LRRC4C: variants seen among roughly 807,000 people sequenced by gnomAD.
LRRC4C encodes leucine-rich repeat-containing protein 4C.
A neutral mutation model predicts 33.6 loss-of-function variants in LRRC4C; 5 were observed. The ratio of observed to expected loss-of-function variants is 0.15; its 90% CI spans 0.08 to 0.31. LRRC4C has a LOEUF of 0.31. LRRC4C is among the 10% of genes least tolerant of loss of function. The pLI is 1.00. For missense variants in LRRC4C, 560 were observed against 796.7 expected (o/e 0.70, Z 3.58); for synonymous variants, 329 against 302.0 (o/e 1.09, Z -0.93).
At chr11:40,397,173 C>T (rs1432613593) in intron 3 of LRRC4C, among the ~76,000 whole-genome samples, 1 of 152,000 alleles carries the variant, frequency 6.6e-6, no homozygotes, top group Non-Finnish European at 1.5e-5. Flanking sequence ...TCATCCCCTA[C>T]CCAATCTCTG....
chr11:40,902,952 T>C (rs2136203093), intron 2 of LRRC4C, among the ~76,000 whole-genome samples: 1 of 152,208 alleles, frequency 6.6e-6, no homozygotes, highest in South Asian at 2.1e-4. Flanking sequence ...ACCCGGAAGA[T>C]CTAGTTAAGA....
chr11:40,851,403 C>T (rs1421953327), intron 2 of LRRC4C, among the ~76,000 whole-genome samples: 1 of 152,048 alleles, frequency 6.6e-6, no homozygotes, highest in African/African-American at 2.4e-5. Flanking sequence ...TTCCCTGACC[C>T]CTTGTGCTTC....
intron 3 of LRRC4C, among the ~76,000 whole-genome samples, chr11:40,644,247 T>C (rs538964209): frequency 1.3e-5 from 2 of 152,272 alleles, no homozygotes; most frequent in South Asian, 4.1e-4. Flanking sequence ...AGCGCAAAAC[T>C]GATAAATGGG....
At chr11:40,783,907 A>C (rs906739318) in intron 2 of LRRC4C, among the ~76,000 whole-genome samples, 1 of 152,152 alleles carries the variant, frequency 6.6e-6, no homozygotes, top group Admixed American at 6.6e-5. Flanking sequence ...TAAAACCACA[A>C]TCTTGAAAAT....
intron 3 of LRRC4C, among the ~76,000 whole-genome samples, chr11:40,541,266 C>T (rs1031151501): frequency 6.6e-6 from 1 of 152,072 alleles, no homozygotes; most frequent in Admixed American, 6.6e-5. Context: ...ACTACAGCCT[C>T]AAACTCCTGG....
At chr11:40,925,139 C>CTCTT (rs1329952430) in intron 2 of LRRC4C, among the ~76,000 whole-genome samples, 5 of 151,990 alleles carry the variant, frequency 3.3e-5, no homozygotes, top group Non-Finnish European at 5.9e-5. Context: ...CTCTCTCTCT[C>CTCTT]TCTCTCTTTC....
At chr11:41,266,617 G>C (rs762402791) in intron 1 of LRRC4C, among the ~76,000 whole-genome samples, 1 of 152,120 alleles carries the variant, frequency 6.6e-6, no homozygotes, top group African/African-American at 2.4e-5. Context: ...GTGTTCTACA[G>C]GTTCTTTCAT....
chr11:40,848,412 C>T (rs754352472), intron 2 of LRRC4C, among the ~76,000 whole-genome samples: 33 of 151,956 alleles, frequency 2.2e-4, no homozygotes, highest in Non-Finnish European at 4.1e-4. Flanking sequence ...TTTACCCAGT[C>T]GTTATTCAGT....
At chr11:40,609,102 C>T (rs938651963) in intron 3 of LRRC4C, among the ~76,000 whole-genome samples, 12 of 152,124 alleles carry the variant, frequency 7.9e-5, no homozygotes, top group East Asian at 1.9e-4. Flanking sequence ...TTCCACCCAA[C>T]GGTAGCAGAA....
chr11:40,951,586 G>A (rs913396188), intron 1 of LRRC4C, among the ~76,000 whole-genome samples: 2 of 151,856 alleles, frequency 1.3e-5, no homozygotes, highest in African/African-American at 4.8e-5. Context: ...TAATATGTTG[G>A]CACTTAAATA....
chr11:40,215,333 T>G (rs1220367959), intron 5 of LRRC4C, among the ~76,000 whole-genome samples: 1 of 152,214 alleles, frequency 6.6e-6, no homozygotes, highest in Non-Finnish European at 1.5e-5. Context: ...CAAAGTTTCC[T>G]GAACGCTGTT....
intron 2 of LRRC4C, among the ~76,000 whole-genome samples, chr11:40,914,031 G>T (rs1956824206): frequency 6.6e-6 from 1 of 152,068 alleles, no homozygotes; most frequent in Non-Finnish European, 1.5e-5. Flanking sequence ...CCAAAAACAG[G>T]CTCTGAAATT....
chr11:40,864,161 C>T (rs534771862), intron 2 of LRRC4C, among the ~76,000 whole-genome samples: 12 of 152,212 alleles, frequency 7.9e-5, no homozygotes, highest in Non-Finnish European at 7.4e-5. Context: ...CTCCACCTCC[C>T]GGGCTCAAGT....
At chr11:41,032,727 A>G (rs1024428589) in intron 1 of LRRC4C, among the ~76,000 whole-genome samples, 2 of 150,800 alleles carry the variant, frequency 1.3e-5, no homozygotes, top group African/African-American at 4.9e-5. Context: ...AAAAAGGGGG[A>G]AAAAAAACAC....
At chr11:41,254,269 C>G (rs1475091264) in intron 1 of LRRC4C, among the ~76,000 whole-genome samples, 2 of 151,938 alleles carry the variant, frequency 1.3e-5, no homozygotes, top group Non-Finnish European at 2.9e-5. Flanking sequence ...ACCCTTTTTC[C>G]AATAAATGCA....
chr11:41,129,249 C>T (rs1942900135), intron 1 of LRRC4C, among the ~76,000 whole-genome samples: 1 of 151,864 alleles, frequency 6.6e-6, no homozygotes, highest in Non-Finnish European at 1.5e-5. Context: ...TTTATATTCT[C>T]CGTACCAACT....
chr11:40,760,534 T>C (rs1448002143), intron 2 of LRRC4C, among the ~76,000 whole-genome samples: 1 of 152,006 alleles, frequency 6.6e-6, no homozygotes, highest in Non-Finnish European at 1.5e-5. Context: ...ATATTATGTA[T>C]AGAAGTGTAT....
Position 41,064,802 on chromosome 11 carries a change from C to T in LRRC4C, c.-495-131079G>A, listed in dbSNP as rs113001664. On this transcript the variant is annotated intron_variant, in intron 1 of 6. Transcript: ENST00000528697. The stretch of plus-strand genomic sequence containing the variant: ...AGAAGCAGGGTGGGGCATTGCTTCA[C>T]GTGGGAAGTGCACGGAGTCGGGGGA... Among the ~76,000 whole-genome samples, 496 of 152,314 alleles carry T rather than the reference C, an allele frequency of 3.3e-3. 2 individuals carry two copies. Among genetic ancestry groups the T allele is most frequent in the African/African-American group, 0.011 (471 of 41,572 alleles).
At chr11:40,877,255 C>T (rs1483425817) in intron 2 of LRRC4C, among the ~76,000 whole-genome samples, 2 of 152,018 alleles carry the variant, frequency 1.3e-5, no homozygotes, top group African/African-American at 2.4e-5. Flanking sequence ...TTGTTCTGTC[C>T]GTATGCACAT....
Sources: allele counts gnomAD v4.1 joint callset (sites outside exome capture counted in the v4.1 genomes callset), GRCh38; gene constraint gnomAD v4.1.1; transcripts MANE v1.5; gene names NCBI Gene and HGNC (gene_info 2026-07-23, HGNC 2026-07-21).